The following ASIC2 variants were observed in gnomAD, a reference collection of about 807,000 sequenced individuals.
The protein encoded by ASIC2 is acid-sensing ion channel 2.
A neutral mutation model predicts 57.3 loss-of-function variants in ASIC2; 25 were observed. The observed-to-expected ratio is 0.44, with a 90% CI of 0.32 to 0.61. ASIC2 has a LOEUF of 0.61. Ranked by LOEUF, ASIC2 falls within the 20% of genes least tolerant of loss-of-function variation. The probability of loss-of-function intolerance (pLI) is 0.06; values close to 1 mark genes in which losing one functional copy is unlikely to be tolerated. For missense variants in ASIC2, 641 were observed against 738.1 expected, an observed-to-expected ratio of 0.87 and a Z score of 1.52; for synonymous variants, 319 against 307.5, an observed-to-expected ratio of 1.04 and a Z score of -0.39.
At chr17:34,089,314 CAT>C (rs1357854452) in intron 1 of ASIC2, among the ~76,000 whole-genome samples, 1 of 152,218 alleles carries the variant, frequency 6.6e-6, no homozygotes, top group Non-Finnish European at 1.5e-5. Flanking sequence ...CACTATGACA[CAT>C]ATGCACATGC....
At chr17:33,779,609 G>A (rs1319967398) in intron 1 of ASIC2, among the ~76,000 whole-genome samples, 1 of 152,186 alleles carries the variant, frequency 6.6e-6, no homozygotes, top group Admixed American at 6.5e-5. Context: ...CCTTGGGCTG[G>A]GGGTTGTGGG....
At chr17:33,663,001 T>C (rs1459907363) in intron 1 of ASIC2, among the ~76,000 whole-genome samples, 1 of 152,156 alleles carries the variant, frequency 6.6e-6, no homozygotes, top group Non-Finnish European at 1.5e-5. Flanking sequence ...TTTTGCTGAC[T>C]CTTGTTAGGT....
intron 1 of ASIC2, among the ~76,000 whole-genome samples, chr17:33,136,746 C>G (rs140121182): frequency 2.6e-3 from 403 of 152,274 alleles, no homozygotes; most frequent in African/African-American, 9.5e-3. Flanking sequence ...CATTGCTCAC[C>G]CACGGAACCC....
intron 1 of ASIC2, among the ~76,000 whole-genome samples, chr17:34,146,186 G>T (rs935738477): frequency 3.3e-5 from 5 of 152,194 alleles, no homozygotes; most frequent in East Asian, 1.9e-4. Context: ...ATGCTCATTT[G>T]AGTTATGAGG....
chr17:34,068,048 A>G (rs1364149165), intron 1 of ASIC2, among the ~76,000 whole-genome samples: 1 of 152,186 alleles, frequency 6.6e-6, no homozygotes, highest in Non-Finnish European at 1.5e-5. Context: ...ACAATCCAAT[A>G]AATCTATTTC....
At chr17:33,419,516 G>A (rs981655424) in intron 1 of ASIC2, among the ~76,000 whole-genome samples, 2 of 152,190 alleles carry the variant, frequency 1.3e-5, no homozygotes, top group Non-Finnish European at 2.9e-5. Flanking sequence ...TAAGAATGAA[G>A]AAGCAGATAA....
At chr17:34,074,261 G>A (rs73986852) in intron 1 of ASIC2, among the ~76,000 whole-genome samples, 4,069 of 152,242 alleles carry the variant, frequency 0.027, 184 homozygotes, top group African/African-American at 0.092. Flanking sequence ...GCTGCCATTA[G>A]AGCTCTATCC....
intron 1 of ASIC2, among the ~76,000 whole-genome samples, chr17:33,982,744 A>C (rs1161341585): frequency 6.6e-6 from 1 of 152,208 alleles, no homozygotes; most frequent in Non-Finnish European, 1.5e-5. Flanking sequence ...ATTGTATAGG[A>C]AAGTGAAAAT....
intron 1 of ASIC2, among the ~76,000 whole-genome samples, chr17:34,053,485 C>T (rs1908643986): frequency 1.3e-5 from 2 of 152,160 alleles, no homozygotes; most frequent in Non-Finnish European, 2.9e-5. Flanking sequence ...GTGATTACTT[C>T]CATATGGGCA....
chr17:33,351,771 G>A (rs1908190982), intron 1 of ASIC2, among the ~76,000 whole-genome samples: 1 of 152,074 alleles, frequency 6.6e-6, no homozygotes. Context: ...ATGATTCTTG[G>A]GCATTTTAGA....
intron 1 of ASIC2, among the ~76,000 whole-genome samples, chr17:33,653,242 C>T (rs1424411454): frequency 6.6e-6 from 1 of 152,160 alleles, no homozygotes; most frequent in Non-Finnish European, 1.5e-5. Flanking sequence ...AAAGGGGCTG[C>T]CTTTAGATTT....
At position 33,854,693 on chromosome 17, in the gene ASIC2, G is replaced by A. The variant is rs138854367; in HGVS notation, c.555+301285C>T. 3.6e-3 allele frequency among the ~76,000 whole-genome samples: 546 copies of A among 152,222 alleles called. 5 individuals carry two copies. Among genetic ancestry groups the A allele is most frequent in the African/African-American group, 0.012 (509 of 41,516 alleles). Reference sequence around the variant, plus strand: ...TGTGCCAACCTGCACATTTGGGTGAGTGGCCCCTGTGGATTGCCTTAATGA... The same window carrying A: ...TGTGCCAACCTGCACATTTGGGTGAATGGCCCCTGTGGATTGCCTTAATGA... On this transcript the variant is annotated intron_variant, in intron 1 of 9. Coordinates refer to the ASIC2 transcript ENST00000359872.
intron 1 of ASIC2, among the ~76,000 whole-genome samples, chr17:33,274,272 A>G (rs1567806769): frequency 6.6e-6 from 1 of 152,160 alleles, no homozygotes. Context: ...TCCAACACCT[A>G]CTTGCAGGTA....
intron 1 of ASIC2, among the ~76,000 whole-genome samples, chr17:33,176,367 G>A (rs1280223622): frequency 6.6e-6 from 1 of 152,160 alleles, no homozygotes; most frequent in East Asian, 1.9e-4. Flanking sequence ...TTGAGATAGG[G>A]TCTCACCTGC....
At chr17:33,716,205 A>C (rs140285831) in intron 1 of ASIC2, among the ~76,000 whole-genome samples, 33 of 152,290 alleles carry the variant, frequency 2.2e-4, no homozygotes, top group African/African-American at 7.9e-4. Flanking sequence ...TTTCAATGTC[A>C]TCTCCATAAT....
At chr17:33,134,340 C>T (rs1038893853) in intron 1 of ASIC2, among the ~76,000 whole-genome samples, 2 of 152,136 alleles carry the variant, frequency 1.3e-5, no homozygotes, top group South Asian at 2.1e-4. Flanking sequence ...AATACCTGCC[C>T]TCCAAAAGCT....
chr17:33,176,496 T>C (rs923574180), intron 1 of ASIC2, among the ~76,000 whole-genome samples: 1 of 152,092 alleles, frequency 6.6e-6, no homozygotes, highest in Admixed American at 6.5e-5. Flanking sequence ...TACACCACCA[T>C]GCCCAGCTAA....
intron 1 of ASIC2, chr17:34,039,076 C>G: frequency 6.2e-7 from 1 of 1,614,110 alleles, no homozygotes; most frequent in Non-Finnish European, 8.5e-7. Flanking sequence ...CATTGTCACA[C>G]ATCTATTTAA....
intron 1 of ASIC2, among the ~76,000 whole-genome samples, chr17:33,506,686 G>C (rs2141945880): frequency 6.6e-6 from 1 of 152,314 alleles, no homozygotes; most frequent in Middle Eastern, 3.4e-3. Context: ...AGGGTATACT[G>C]TTTCTGCTAC....
Sources: gnomAD v4.1 joint callset for allele counts (sites outside exome capture counted in the v4.1 genomes callset) on GRCh38, gnomAD v4.1.1 for gene constraint, MANE v1.5 for transcripts, NCBI Gene and HGNC (gene_info 2026-07-23, HGNC 2026-07-21) for gene names.